Variants in TTC21B observed in about 807,000 individuals in gnomAD.
The protein encoded by TTC21B is tetratricopeptide repeat domain 21B, also known as tetratricopeptide repeat protein 21B.
A neutral mutation model predicts 175.1 loss-of-function variants in TTC21B; 127 were observed. The observed-to-expected ratio is 0.73, with a 90% CI of 0.63 to 0.84. The LOEUF (loss-of-function observed/expected upper bound fraction) is 0.84. TTC21B is among the 40% of genes least tolerant of loss of function. The probability of loss-of-function intolerance (pLI) is 0.00; values close to 1 mark genes in which losing one functional copy is unlikely to be tolerated. For synonymous variants in TTC21B, 524 were observed against 524.5 expected, an observed-to-expected ratio of 1.00 and a Z score of 0.01; for missense variants, 1,561 against 1,558.3, an observed-to-expected ratio of 1.00 and a Z score of -0.03.
intron 27 of TTC21B, among the ~76,000 whole-genome samples, chr2:165,880,325 C>G (rs550245595): frequency 1.7e-4 from 26 of 152,126 alleles, no homozygotes; most frequent in Non-Finnish European, 3.7e-4. Flanking sequence ...GTAAAGAAAC[C>G]TGTGTAATTC....
At chr2:165,952,480 G>A (rs1687788640) in intron 1 of TTC21B, among the ~76,000 whole-genome samples, 1 of 152,190 alleles carries the variant, frequency 6.6e-6, no homozygotes, top group African/African-American at 2.4e-5. Flanking sequence ...GAGACAGAGA[G>A]TATTGGATGA....
intron 11 of TTC21B, chr2:165,928,877 T>A (rs1686777049): frequency 2.3e-6 from 1 of 432,846 alleles, no homozygotes. Flanking sequence ...CTGAATTAGA[T>A]GCCTTTTAAT....
intron 14 of TTC21B, 66 bp downstream of exon 14, chr2:165,917,191 T>C: frequency 6.7e-7 from 1 of 1,486,568 alleles, no homozygotes; most frequent in Non-Finnish European, 9.4e-7. Context: ...CTTTTCATTT[T>C]CTACTAATAT....
intron 6 of TTC21B, among the ~76,000 whole-genome samples, chr2:165,934,486 G>T: frequency 9.6e-6 from 1 of 104,322 alleles, no homozygotes; most frequent in Admixed American, 1.4e-4. Context: ...TGGGCAACAA[G>T]CGAGACTCTG....
chr2:165,944,066 A>G (rs954774512), intron 4 of TTC21B, among the ~76,000 whole-genome samples: 1 of 152,120 alleles, frequency 6.6e-6, no homozygotes, highest in African/African-American at 2.4e-5. Context: ...ACCTCCCTGT[A>G]TTTCACCCGA....
In TTC21B at chr2:165,943,393, T is replaced by C. The variant is rs188695480; in HGVS notation, c.430-52A>G. 20,546 of 1,403,892 alleles carry C rather than the reference T, an allele frequency of 0.015. 274 individuals carry two copies. The highest frequency in any genetic ancestry group is 0.067 in the Middle Eastern group (380 of 5,668). The allele number at this position is 1,403,892 out of a possible 1,614,324, so 87.0% of individuals were successfully genotyped here. Reference sequence around the variant, plus strand: ...CTTTTTTAGAAATGAGAGAAATAAATGTTAATGAAAGAGCCTAATGTCATT... The same window carrying C: ...CTTTTTTAGAAATGAGAGAAATAAACGTTAATGAAAGAGCCTAATGTCATT... On this transcript the variant is annotated intron_variant, in intron 4 of 28. Coordinates refer to ENST00000243344, the MANE Select transcript of TTC21B (RefSeq NM_024753.5).
At chr2:165,947,451 G>A (rs1346761748) in intron 3 of TTC21B, 1 of 151,678 alleles carries the variant, frequency 6.6e-6, no homozygotes, top group African/African-American at 2.4e-5. Flanking sequence ...TCTACAGATT[G>A]CTTAGCAAGA....
In TTC21B at chr2:165,942,433, G is replaced by C. The variant is rs1206522593; in HGVS notation, c.552+786C>G. On this transcript the variant is annotated intron_variant, in intron 5 of 28. Transcript: ENST00000243344. ...TGCTCATCCCTCAAAATGTATGTCC[G>C]ATCATGTTATTTCTCTGTTCAAAAC... Among the ~76,000 whole-genome samples the C allele has an allele frequency of 1.3e-5, 2 of 152,026 alleles. 1 individual carries two copies. The highest frequency in any genetic ancestry group is 6.3e-3 in the Middle Eastern group (2 of 316).
Position 165,874,660 on chromosome 2 carries a change from C to G in TTC21B, c.*95G>C, listed in dbSNP as rs1171872567. On this transcript the variant is annotated 3_prime_UTR_variant, in exon 29 of 29. Coordinates refer to ENST00000243344, the MANE Select transcript of TTC21B (RefSeq NM_024753.5). The stretch of plus-strand genomic sequence containing the variant: ...AGAAAAAAGGGTATACTTCTAATAA[C>G]AAAGCACTGAGCTCAAACCTGTTTT... 1.8e-6 allele frequency: 2 copies of G among 1,117,544 alleles called. No homozygotes were observed. The highest frequency in any genetic ancestry group is 3.1e-5 in the African/African-American group (2 of 64,808). 69.2% of individuals were successfully genotyped at this position (1,117,544 alleles called of 1,614,324 possible). A position where few individuals can be genotyped will look rare whatever the true frequency, so the allele number is the denominator to read the frequency against.
chr2:165,919,254 C>A, intron 13 of TTC21B, 22 bp downstream of exon 13: 1 of 1,612,912 alleles, frequency 6.2e-7, no homozygotes, highest in Non-Finnish European at 8.5e-7. Flanking sequence ...ATGTCTTATC[C>A]ACTTCAGTCT....
intron 6 of TTC21B, among the ~76,000 whole-genome samples, chr2:165,933,682 T>TA (rs533166868): frequency 3.9e-4 from 59 of 152,326 alleles, no homozygotes; most frequent in African/African-American, 1.4e-3. Context: ...ATATCACAAT[T>TA]ACTGGTTCCA....
At chr2:165,921,990 CCT>C (rs1387009315) in intron 12 of TTC21B, among the ~76,000 whole-genome samples, 8 of 151,944 alleles carry the variant, frequency 5.3e-5, no homozygotes, top group Admixed American at 1.3e-4. Flanking sequence ...CACCCTTTCC[CCT>C]GAGTCCCCAA....
intron 13 of TTC21B, 113 bp downstream of exon 13, chr2:165,919,163 C>A: frequency 7.9e-7 from 1 of 1,267,864 alleles, no homozygotes; most frequent in Non-Finnish European, 1.1e-6. Flanking sequence ...TTTTTTTTTC[C>A]ATTAAAAATG....
chr2:165,891,495 C>T (rs1285270638), intron 22 of TTC21B, among the ~76,000 whole-genome samples: 1 of 152,086 alleles, frequency 6.6e-6, no homozygotes, highest in Admixed American at 6.6e-5. Context: ...AGCTAACATA[C>T]CATATGCTAG....
intron 6 of TTC21B, among the ~76,000 whole-genome samples, chr2:165,939,104 T>C (rs1444639277): frequency 6.6e-6 from 1 of 152,102 alleles, no homozygotes; most frequent in Non-Finnish European, 1.5e-5. Context: ...AAGAACCAAA[T>C]GGGAGTTTAG....
chr2:165,890,386 T>C lies in TTC21B; in HGVS notation c.3263+93A>G, dbSNP rs936177286. 33 of 1,173,768 alleles carry C rather than the reference T, an allele frequency of 2.8e-5. No homozygotes were observed. In the South Asian group the frequency reaches 4.0e-4, roughly 14 times the overall value. The allele number at this position is 1,173,768 out of a possible 1,614,324, so 72.7% of individuals were successfully genotyped here. On this transcript the variant is annotated intron_variant, in intron 24 of 28. Coordinates refer to ENST00000243344, the MANE Select transcript of TTC21B (RefSeq NM_024753.5). The stretch of plus-strand genomic sequence containing the variant: ...ATTTATTCATCTGACCTTTCATTAT[T>C]GCTATCCTAAATTTAGTTCTTTTGT...
In TTC21B at chr2:165,880,264, C is replaced by A. The variant is rs933178370; in HGVS notation, c.3805+415G>T. Among the ~76,000 whole-genome samples the A allele has an allele frequency of 7.9e-5, 12 of 152,168 alleles. No homozygotes were observed. The South Asian group carries it at 2.1e-3, about 26-fold the overall frequency. On this transcript the variant is annotated intron_variant, in intron 27 of 28. Coordinates refer to ENST00000243344, the MANE Select transcript of TTC21B (RefSeq NM_024753.5). ...GTCAAATAATTGTGGGAAACATGGC[C>A]CCTCTGTGATATCCATCGCAATATA...
At chr2:165,876,283 T>A in intron 27 of TTC21B, 51 bp from the exon 28 acceptor site, 1 of 1,149,626 alleles carries the variant, frequency 8.7e-7, no homozygotes, top group Non-Finnish European at 1.3e-6. Context: ...CTGCTACTAT[T>A]ACTTTTCCTT....
In TTC21B at chr2:165,945,706, GAT is replaced by G. The variant is rs554319254; in HGVS notation, c.263-18_263-17del. 3.7e-6 allele frequency: 6 copies of G among 1,609,190 alleles called. No homozygotes were observed. Among genetic ancestry groups the G allele is most frequent in the Non-Finnish European group, 5.1e-6 (6 of 1,178,430 alleles). ...GCTTCTCTATCTGGTAGGGGAAAATGATATTAAATAAAAATTAAATTCTGGAT... is the reference window on the plus strand; with the variant it reads ...GCTTCTCTATCTGGTAGGGGAAAATGATTAAATAAAAATTAAATTCTGGAT... On this transcript the variant is annotated splice_polypyrimidine_tract_variant and intron_variant, in intron 3 of 28. Transcript: ENST00000243344.
Sources: gnomAD v4.1 joint callset for allele counts (sites outside exome capture counted in the v4.1 genomes callset) on GRCh38, gnomAD v4.1.1 for gene constraint, MANE v1.5 for transcripts, NCBI Gene and HGNC (gene_info 2026-07-23, HGNC 2026-07-21) for gene names.